Variants in SLC12A2 observed in about 807,000 individuals in gnomAD.
SLC12A2 encodes the protein Na-K-2Cl cotransporter 1.
A neutral mutation model predicts 136.3 loss-of-function variants in SLC12A2; 67 were observed. The ratio of observed to expected loss-of-function variants is 0.49; its 90% CI spans 0.40 to 0.60. The LOEUF (loss-of-function observed/expected upper bound fraction) is 0.60. Among genes scored for constraint, SLC12A2 ranks in the 20% least tolerant of loss-of-function variants. The pLI is 0.00. For missense variants in SLC12A2, 1,322 were observed against 1,534.7 expected, an observed-to-expected ratio of 0.86 and a Z score of 2.32; for synonymous variants, 619 against 562.9, an observed-to-expected ratio of 1.10 and a Z score of -1.41.
intron 5 of SLC12A2, 93 bp from the exon 6 acceptor site, chr5:128,134,072 G>T: frequency 1.5e-6 from 1 of 647,382 alleles, no homozygotes; most frequent in Non-Finnish European, 2.7e-6. Flanking sequence ...TTCATGTAAG[G>T]CACCGTAATA....
At chr5:128,129,295 T>C (rs1429686569) in intron 4 of SLC12A2, among the ~76,000 whole-genome samples, 1 of 152,134 alleles carries the variant, frequency 6.6e-6, no homozygotes, top group East Asian at 1.9e-4. Flanking sequence ...CTGATAATTA[T>C]ACTATTGTAG....
intron 18 of SLC12A2, chr5:128,169,084 C>T (rs980828286): frequency 6.6e-6 from 1 of 151,826 alleles, no homozygotes; most frequent in African/African-American, 2.4e-5. Context: ...TCCTACTATT[C>T]TAAGATTTGC....
rs561794992 is a variant in SLC12A2 at position 128,105,344 on chromosome 5, G to C, written c.757-7470G>C. 2.0e-5 allele frequency among the ~76,000 whole-genome samples: 3 copies of C among 152,264 alleles called. No homozygotes were observed. In the South Asian group the frequency reaches 6.2e-4, roughly 32 times the overall value. On this transcript the variant is annotated intron_variant, in intron 1 of 26. Coordinates refer to ENST00000262461, the MANE Select transcript of SLC12A2 (RefSeq NM_001046.3). ...GAAAATACGGGATGAGCAAGGGAGG[G>C]GGGTATAGGACCAAGTGCTAAAGGA...
chr5:128,147,817 T>G, intron 11 of SLC12A2, 88 bp downstream of exon 11: 1 of 784,776 alleles, frequency 1.3e-6, no homozygotes, highest in Non-Finnish European at 2.2e-6. Flanking sequence ...TCAAATTATT[T>G]GCTTCTATCA....
At chr5:128,144,321 A>T (rs1762461988) in intron 10 of SLC12A2, among the ~76,000 whole-genome samples, 1 of 152,166 alleles carries the variant, frequency 6.6e-6, no homozygotes, top group South Asian at 2.1e-4. Context: ...AACATGAGGG[A>T]AAATCTTGTG....
chr5:128,085,265 C>T (rs916571039), intron 1 of SLC12A2, among the ~76,000 whole-genome samples: 2 of 151,572 alleles, frequency 1.3e-5, no homozygotes, highest in Non-Finnish European at 2.9e-5. Flanking sequence ...TCATAGAGAT[C>T]TTGTCTTGGG....
At chr5:128,136,624 T>C (rs1238691935) in intron 7 of SLC12A2, among the ~76,000 whole-genome samples, 1 of 152,176 alleles carries the variant, frequency 6.6e-6, no homozygotes, top group Non-Finnish European at 1.5e-5. Flanking sequence ...GCTTCATTTC[T>C]CTTAGTCATT....
rs33967323 is a variant in SLC12A2, at chr5:128,131,537, C to CA, written c.1188+348dup. 0.025 allele frequency among the ~76,000 whole-genome samples: 3,361 copies of CA among 135,980 alleles called. 318 individuals carry two copies. The East Asian group carries it at 0.34, about 14-fold the overall frequency. 89.2% of individuals were successfully genotyped at this position (135,980 alleles called of 152,430 possible). A position where few individuals can be genotyped will look rare whatever the true frequency, so the allele number is the denominator to read the frequency against. Reference sequence around the variant, plus strand: ...TGAAACCCCATCTCTACTACAAATACAAAAAAAAAAAAAAAAATCAGCTGG... The same window carrying CA: ...TGAAACCCCATCTCTACTACAAATACAAAAAAAAAAAAAAAAAATCAGCTGG... On this transcript the variant is annotated intron_variant, in intron 5 of 26. Transcript: ENST00000262461.
At chr5:128,150,237 T>A (rs1057512007) in intron 13 of SLC12A2, 139 bp downstream of exon 13, 1 of 612,582 alleles carries the variant, frequency 1.6e-6, no homozygotes, top group African/African-American at 1.9e-5. Context: ...TAATTCAAAT[T>A]AAGCTTTCAA....
intron 1 of SLC12A2, among the ~76,000 whole-genome samples, chr5:128,091,700 G>T (rs961026156): frequency 6.6e-6 from 1 of 152,144 alleles, no homozygotes; most frequent in African/African-American, 2.4e-5. Context: ...CTTGGAGCTG[G>T]TAGAGAACTT....
At chr5:128,160,845 G>A (rs188259526) in intron 16 of SLC12A2, among the ~76,000 whole-genome samples, 1 of 125,500 alleles carries the variant, frequency 8.0e-6, no homozygotes, top group Non-Finnish European at 1.7e-5. Flanking sequence ...GTGTGTGTTT[G>A]TGTGTGTGTG....
Position 128,189,461 on chromosome 5 carries a change from T to C in SLC12A2, c.*2830T>C, listed in dbSNP as rs1763976030. The C allele has an allele frequency of 6.6e-6, 1 of 152,558 alleles. No individual in the cohort carries two copies. The highest frequency in any genetic ancestry group is 1.5e-5 in the Non-Finnish European group (1 of 68,030). The allele number at this position is 152,558 out of a possible 1,614,324, so 9.5% of individuals were successfully genotyped here. A position where few individuals can be genotyped will look rare whatever the true frequency, so the allele number is the denominator to read the frequency against. On this transcript the variant is annotated 3_prime_UTR_variant, in exon 27 of 27. Transcript: ENST00000262461. The stretch of plus-strand genomic sequence containing the variant: ...TCCTTTTACATTCTTTTTATATGCA[T>C]TCTGACATTACATATTTTTTAAGAC...
chr5:128,102,531 T>C lies in SLC12A2; in HGVS notation c.757-10283T>C, dbSNP rs933546494. Reference sequence around the variant, plus strand: ...AGCATATTTTCAATCTGACATCTTTTGTTCACTCTTAGTTTGTAACACTCA... The same window carrying C: ...AGCATATTTTCAATCTGACATCTTTCGTTCACTCTTAGTTTGTAACACTCA... On this transcript the variant is annotated intron_variant, in intron 1 of 26. Coordinates refer to ENST00000262461, the MANE Select transcript of SLC12A2 (RefSeq NM_001046.3). Among the ~76,000 whole-genome samples the C allele has an allele frequency of 4.0e-5, 6 of 151,638 alleles. No individual in the cohort carries two copies. In the South Asian group the frequency reaches 6.2e-4, roughly 16 times the overall value.
At chr5:128,167,096 A>AG (rs960880943) in intron 17 of SLC12A2, among the ~76,000 whole-genome samples, 3 of 152,114 alleles carry the variant, frequency 2.0e-5, no homozygotes, top group African/African-American at 7.2e-5. Flanking sequence ...TTATAGAATA[A>AG]GGGGGGTTAT....
intron 12 of SLC12A2, 38 bp downstream of exon 12, chr5:128,148,915 G>T: frequency 2.0e-6 from 3 of 1,501,986 alleles, no homozygotes; most frequent in East Asian, 4.6e-5. Context: ...TAGATTTTTG[G>T]TGCATATTAG....
In SLC12A2 at chr5:128,084,060, G is replaced by A. The variant is rs1759936212; in HGVS notation, c.106G>A (p.Gly36Ser). The stretch of plus-strand genomic sequence containing the variant: ...GGCCGCAGCCAGGGTGGAACTGCCC[G>A]GCACGGCTGTGCCCTCGGTGCCGGA... ...ALAAARVELPGTAVPSVPEDA... is the reference protein window; with the variant it reads ...ALAAARVELPSTAVPSVPEDA... Residue 36 changes from glycine (G) to serine (S), a missense_variant, in exon 1 of 27, where the codon GGC becomes AGC. Gly to Ser is a moderately conservative substitution (Grantham distance 56, BLOSUM62 0). Transcript: ENST00000262461. This position sits in a 1 kb window ranked among gnomAD's most constrained non-coding sequence, Gnocchi z 5.6. 1 of 1,306,240 alleles carries A rather than the reference G, an allele frequency of 7.7e-7. No homozygotes were observed. The highest frequency in any genetic ancestry group is 9.7e-7 in the Non-Finnish European group (1 of 1,030,978). The allele number at this position is 1,306,240 out of a possible 1,614,324, so 80.9% of individuals were successfully genotyped here.
intron 15 of SLC12A2, among the ~76,000 whole-genome samples, chr5:128,153,264 A>G (rs1311434204): frequency 6.6e-6 from 1 of 152,188 alleles, no homozygotes; most frequent in Non-Finnish European, 1.5e-5. Context: ...AGAATATATT[A>G]TCTTTTTTGG....
chr5:128,135,534 G>A (rs1762158740), intron 6 of SLC12A2, among the ~76,000 whole-genome samples, 166 bp from the exon 7 acceptor site: 1 of 151,954 alleles, frequency 6.6e-6, no homozygotes, highest in African/African-American at 2.4e-5. Context: ...CATTAAACAA[G>A]GATTTATTGA....
In SLC12A2 at chr5:128,131,050, T is replaced by G; in HGVS notation, c.1049-17T>G. Reference sequence around the variant, plus strand: ...AACTTTAGTACCTGTTTTTTTTGTTTGTTTGTTTGTTTTTAGGAGGAGCAT... The same window carrying G: ...AACTTTAGTACCTGTTTTTTTTGTTGGTTTGTTTGTTTTTAGGAGGAGCAT... On this transcript the variant is annotated splice_polypyrimidine_tract_variant and intron_variant, in intron 4 of 26. Coordinates refer to ENST00000262461, the MANE Select transcript of SLC12A2 (RefSeq NM_001046.3). 6.2e-7 allele frequency: 1 copy of G among 1,610,716 alleles called. No individual in the cohort carries two copies. The highest frequency in any genetic ancestry group is 1.3e-5 in the African/African-American group (1 of 74,726).
Sources: allele counts gnomAD v4.1 joint callset (sites outside exome capture counted in the v4.1 genomes callset), GRCh38; gene constraint gnomAD v4.1.1; non-coding constraint Gnocchi (gnomAD v3.1); transcripts MANE v1.5; gene names NCBI Gene and HGNC (gene_info 2026-07-23, HGNC 2026-07-21).